Variants in KCTD5 observed in about 807,000 individuals in gnomAD.
KCTD5 encodes the protein potassium channel tetramerization domain containing 5, also known as BTB/POZ domain-containing protein KCTD5.
In KCTD5, 12 loss-of-function variants were observed where a neutral mutation model predicts 27.9. The ratio of observed to expected loss-of-function variants is 0.43; its 90% CI spans 0.28 to 0.70. KCTD5 has a LOEUF of 0.70. Among genes scored for constraint, KCTD5 ranks in the 30% least tolerant of loss-of-function variants. The probability of loss-of-function intolerance (pLI) is 0.19; values close to 1 mark genes in which losing one functional copy is unlikely to be tolerated. For synonymous variants in KCTD5, 147 were observed against 121.4 expected (o/e 1.21, Z -1.39); for missense variants, 226 against 274.8 (o/e 0.82, Z 1.26).
chr16:2,682,860 C>G (rs2067524565), intron 1 of KCTD5, 60 bp downstream of exon 1: 10 of 1,521,000 alleles, frequency 6.6e-6, no homozygotes, highest in South Asian at 1.2e-5. Flanking sequence ...GGCTCCTGCA[C>G]ACGCCCTGCT....
In KCTD5 at chr16:2,703,946, G is replaced by A. The variant is rs531978220; in HGVS notation, c.675+1468G>A. Among the ~76,000 whole-genome samples, 22 of 152,346 alleles carry A rather than the reference G, an allele frequency of 1.4e-4. No individual in the cohort carries two copies. The East Asian group carries it at 4.2e-3, about 29-fold the overall frequency. On this transcript the variant is annotated intron_variant, in intron 5 of 5. Transcript: ENST00000301738. ...CACTTCTCTTCCTCTTGGAGCAATCGTAGGGCTCTTTTCTAAATGGTTTTA... is the reference window on the plus strand; with the variant it reads ...CACTTCTCTTCCTCTTGGAGCAATCATAGGGCTCTTTTCTAAATGGTTTTA...
In KCTD5 at chr16:2,707,332, C is replaced by T. The variant is rs752803666; in HGVS notation, c.*5C>T. Reference sequence around the variant, plus strand: ...GAACGAGGCTCAAGGATGTGAGGGACACAGTATTGACAGCTGAAGAAATGA... The same window carrying T: ...GAACGAGGCTCAAGGATGTGAGGGATACAGTATTGACAGCTGAAGAAATGA... On this transcript the variant is annotated 3_prime_UTR_variant, in exon 6 of 6. Coordinates refer to ENST00000301738, the MANE Select transcript of KCTD5 (RefSeq NM_018992.4). The T allele has an allele frequency of 6.2e-7, 1 of 1,613,602 alleles. No individual in the cohort carries two copies. The highest frequency in any genetic ancestry group is 1.1e-5 in the South Asian group (1 of 91,072).
At chr16:2,687,999 C>A (rs1338395783) in intron 1 of KCTD5, among the ~76,000 whole-genome samples, 1 of 151,886 alleles carries the variant, frequency 6.6e-6, no homozygotes, top group East Asian at 1.9e-4. Context: ...TTGGAATCTG[C>A]CCACCTCTGG....
intron 2 of KCTD5, chr16:2,697,310 T>C: frequency 6.5e-6 from 1 of 153,042 alleles, no homozygotes; most frequent in South Asian, 2.1e-4. Context: ...TAAGGGAGGT[T>C]TGCAGTCCCT....
chr16:2,688,243 A>ATATATATATATATTTATT (rs1282831421), intron 1 of KCTD5, among the ~76,000 whole-genome samples: 5 of 64,246 alleles, frequency 7.8e-5, no homozygotes, highest in African/African-American at 2.0e-4. Context: ...ATATATATAT[A>ATATATATATATATTTATT]TATTTATTTA....
chr16:2,693,494 C>T (rs2067575985), intron 1 of KCTD5, among the ~76,000 whole-genome samples: 1 of 152,262 alleles, frequency 6.6e-6, no homozygotes, highest in Non-Finnish European at 1.5e-5. Context: ...CCCCTGCCTG[C>T]CCGTCTTGAG....
At chr16:2,694,347 A>G (rs1286141128) in intron 1 of KCTD5, among the ~76,000 whole-genome samples, 22 of 62,678 alleles carry the variant, frequency 3.5e-4, no homozygotes, top group South Asian at 8.6e-4. Flanking sequence ...GTTCCGGGGG[A>G]GGGTGGGGAA....
At chr16:2,693,683 C>T (rs2067577023) in intron 1 of KCTD5, among the ~76,000 whole-genome samples, 2 of 152,256 alleles carry the variant, frequency 1.3e-5, no homozygotes, top group South Asian at 2.1e-4. Flanking sequence ...GCGCCCAGCA[C>T]GCTTCCTTCT....
chr16:2,698,789 G>C (rs1368244908), intron 3 of KCTD5, among the ~76,000 whole-genome samples: 1 of 152,240 alleles, frequency 6.6e-6, no homozygotes, highest in African/African-American at 2.4e-5. Context: ...GAGCTCCCTT[G>C]GTGCCACTGA....
chr16:2,683,233 G>A (rs1199908157), intron 1 of KCTD5: 1 of 156,958 alleles, frequency 6.4e-6, no homozygotes, highest in Admixed American at 6.5e-5. Flanking sequence ...TCACATTCTG[G>A]ACGTTTGAAT....
intron 1 of KCTD5, chr16:2,683,330 C>T (rs1242525741): frequency 6.5e-6 from 1 of 152,724 alleles, no homozygotes; most frequent in Non-Finnish European, 1.5e-5. Context: ...CCTTTCCATC[C>T]ACAGCACGCA....
At chr16:2,705,373 G>T (rs1216328414) in intron 5 of KCTD5, among the ~76,000 whole-genome samples, 7 of 152,214 alleles carry the variant, frequency 4.6e-5, no homozygotes, top group Non-Finnish European at 1.0e-4. Context: ...CCCAGGGGCA[G>T]TGTTGGGGCG....
intron 2 of KCTD5, chr16:2,697,422 G>A (rs2067591175): frequency 6.4e-6 from 1 of 155,278 alleles, no homozygotes; most frequent in East Asian, 1.9e-4. Context: ...GAGGTGCCAG[G>A]TGACTGAGAC....
At chr16:2,700,451 C>T (rs952345526) in intron 4 of KCTD5, among the ~76,000 whole-genome samples, 1 of 152,212 alleles carries the variant, frequency 6.6e-6, no homozygotes, top group Non-Finnish European at 1.5e-5. Flanking sequence ...GCAGCTTCCA[C>T]GGAAGCCACC....
intron 3 of KCTD5, among the ~76,000 whole-genome samples, chr16:2,698,236 A>T (rs1378504342): frequency 2.0e-5 from 3 of 152,116 alleles, no homozygotes; most frequent in African/African-American, 7.2e-5. Flanking sequence ...CCCCCAAAGG[A>T]TGGCTCTGAG....
intron 1 of KCTD5, among the ~76,000 whole-genome samples, chr16:2,691,046 G>A (rs776601556): frequency 4.6e-5 from 7 of 152,214 alleles, no homozygotes; most frequent in African/African-American, 7.2e-5. Context: ...ACATTAGGCC[G>A]ATCTGGAACA....
chr16:2,702,547 C>T (rs1424229515), intron 5 of KCTD5, 69 bp downstream of exon 5: 1 of 1,564,884 alleles, frequency 6.4e-7, no homozygotes, highest in Non-Finnish European at 8.7e-7. Flanking sequence ...CTCAGACCTT[C>T]CTCCTTTTCT....
At chr16:2,706,041 T>A (rs1032896036) in intron 5 of KCTD5, among the ~76,000 whole-genome samples, 1 of 152,088 alleles carries the variant, frequency 6.6e-6, no homozygotes, top group Non-Finnish European at 1.5e-5. Flanking sequence ...CCAGTAAACT[T>A]GGGAATCACC....
At chr16:2,691,198 T>C (rs773288832) in intron 1 of KCTD5, among the ~76,000 whole-genome samples, 4 of 152,168 alleles carry the variant, frequency 2.6e-5, no homozygotes, top group Non-Finnish European at 5.9e-5. Context: ...TGGAAATCTC[T>C]CATTGAAAGC....
Sources: gnomAD v4.1 joint callset for allele counts (sites outside exome capture counted in the v4.1 genomes callset) on GRCh38, gnomAD v4.1.1 for gene constraint, MANE v1.5 for transcripts, NCBI Gene and HGNC (gene_info 2026-07-23, HGNC 2026-07-21) for gene names.